Variants in TBC1D19 observed in about 807,000 individuals in gnomAD.
The protein encoded by TBC1D19 is TBC1 domain family, member 19.
TBC1D19 carries 60 observed loss-of-function variants against 89.0 expected under a neutral mutation model. The observed-to-expected ratio is 0.67, with a 90% CI of 0.55 to 0.84. TBC1D19 has a LOEUF of 0.84. Ranked by LOEUF, TBC1D19 falls within the 40% of genes least tolerant of loss-of-function variation. The probability of loss-of-function intolerance (pLI) is 0.00; values close to 1 mark genes in which losing one functional copy is unlikely to be tolerated. For synonymous variants in TBC1D19, 189 were observed against 199.7 expected, an observed-to-expected ratio of 0.95 and a Z score of 0.45; for missense variants, 500 against 610.8, an observed-to-expected ratio of 0.82 and a Z score of 1.91.
intron 11 of TBC1D19, among the ~76,000 whole-genome samples, chr4:26,681,466 G>C (rs1713337308): frequency 6.6e-6 from 1 of 152,034 alleles, no homozygotes; most frequent in African/African-American, 2.4e-5. Context: ...CAGGAGAATG[G>C]CGTGAACCCA....
At chr4:26,827,899 C>G in the TBC1D19 span, among the ~76,000 whole-genome samples, 1 of 152,006 alleles carries the variant, frequency 6.6e-6, no homozygotes, top group African/African-American at 2.4e-5. Context: ...TTTTATTAGG[C>G]TTTGAGATTA....
intron 13 of TBC1D19, among the ~76,000 whole-genome samples, chr4:26,703,588 A>G (rs191751419): frequency 6.6e-6 from 1 of 152,308 alleles, no homozygotes; most frequent in East Asian, 1.9e-4. Context: ...ACACTGCAAA[A>G]TTAGATGTCA....
the TBC1D19 span, among the ~76,000 whole-genome samples, chr4:26,814,074 C>T: frequency 2.3e-4 from 35 of 152,192 alleles, 1 homozygote; most frequent in South Asian, 6.2e-4. Context: ...TGTTTGTTCT[C>T]GGTACCCAGC....
the TBC1D19 span, among the ~76,000 whole-genome samples, chr4:26,791,883 A>G: frequency 6.6e-6 from 1 of 152,218 alleles, no homozygotes; most frequent in African/African-American, 2.4e-5. Flanking sequence ...ATCAGGGGAA[A>G]GGTCCAAGCT....
rs1275768360 is a variant in TBC1D19, at chr4:26,694,286, G to A, written c.954+5879G>A. Among the ~76,000 whole-genome samples, 3 of 152,170 alleles carry A rather than the reference G, an allele frequency of 2.0e-5. No individual in the cohort carries two copies. In the East Asian group the frequency reaches 5.8e-4, roughly 29 times the overall value. On this transcript the variant is annotated intron_variant, in intron 13 of 20. Transcript: ENST00000264866. ...GGCTCGAGGGTCCTACGCCCACAGAGCCTCACTCATTGCTAGCACAGCAGT... is the reference window on the plus strand; with the variant it reads ...GGCTCGAGGGTCCTACGCCCACAGAACCTCACTCATTGCTAGCACAGCAGT...
At chr4:26,819,125 C>G in the TBC1D19 span, among the ~76,000 whole-genome samples, 2 of 152,168 alleles carry the variant, frequency 1.3e-5, no homozygotes, top group Non-Finnish European at 2.9e-5. Flanking sequence ...AAAAGAAATC[C>G]CCAGCGACTA....
intron 15 of TBC1D19, among the ~76,000 whole-genome samples, chr4:26,730,483 A>G (rs1717591384): frequency 2.0e-5 from 3 of 152,172 alleles, no homozygotes; most frequent in African/African-American, 7.2e-5. Flanking sequence ...TTTCTCTCCA[A>G]CCTTTGCAGG....
chr4:26,670,589 A>G lies in TBC1D19; in HGVS notation c.665-1560A>G, dbSNP rs181635535. On this transcript the variant is annotated intron_variant, in intron 9 of 20. Transcript: ENST00000264866. ...AATAACTTTTATAGAAGTACAACAT[A>G]CATACTGGATAGTATACAAATCACG... Among the ~76,000 whole-genome samples, 417 of 151,922 alleles carry G rather than the reference A, an allele frequency of 2.7e-3. 2 individuals are homozygous for G. Among genetic ancestry groups the G allele is most frequent in the Non-Finnish European group, 5.1e-3 (347 of 67,744 alleles).
intron 12 of TBC1D19, among the ~76,000 whole-genome samples, chr4:26,685,589 G>T (rs749983322): frequency 1.3e-5 from 2 of 152,192 alleles, no homozygotes; most frequent in African/African-American, 2.4e-5. Context: ...GTGAAGCCAA[G>T]ATTTAGACCT....
intron 1 of TBC1D19, among the ~76,000 whole-genome samples, chr4:26,606,896 C>T (rs149268754): frequency 5.3e-5 from 8 of 152,296 alleles, no homozygotes; most frequent in Non-Finnish European, 1.2e-4. Context: ...CAGCTTACTT[C>T]GCAGCTTCTT....
chr4:26,682,137 G>A (rs60009090), intron 11 of TBC1D19, among the ~76,000 whole-genome samples: 4 of 152,164 alleles, frequency 2.6e-5, no homozygotes, highest in East Asian at 1.9e-4. Context: ...ACCCCTAAAC[G>A]TAGCTTTTGC....
chr4:26,739,182 A>G (rs543527873), intron 16 of TBC1D19, among the ~76,000 whole-genome samples: 1 of 152,320 alleles, frequency 6.6e-6, no homozygotes, highest in South Asian at 2.1e-4. Flanking sequence ...ACTTTCTGAC[A>G]TTCAACTGTG....
chr4:26,605,931 TAAAC>T (rs1359116609), intron 1 of TBC1D19, among the ~76,000 whole-genome samples: 1 of 152,238 alleles, frequency 6.6e-6, no homozygotes, highest in Non-Finnish European at 1.5e-5. Context: ...ACCATTCTAA[TAAAC>T]AAATATTTTA....
chr4:26,733,802 C>T (rs1404668188), intron 15 of TBC1D19, among the ~76,000 whole-genome samples: 2 of 152,186 alleles, frequency 1.3e-5, no homozygotes, highest in East Asian at 3.9e-4. Context: ...AAAATATAAC[C>T]CTTTCGTGAA....
the TBC1D19 span, among the ~76,000 whole-genome samples, chr4:26,851,304 C>CCTCT: frequency 0.32 from 47,192 of 147,032 alleles, 8,072 homozygotes; most frequent in African/African-American, 0.44. Context: ...TAATAAATAC[C>CCTCT]CTATCTATCT....
chr4:26,765,082 G>T, the TBC1D19 span, among the ~76,000 whole-genome samples: 1 of 152,232 alleles, frequency 6.6e-6, no homozygotes, highest in South Asian at 2.1e-4. Context: ...GAATAAAGAA[G>T]AAAACTGAGT....
chr4:26,849,903 C>T, the TBC1D19 span, among the ~76,000 whole-genome samples: 5 of 152,086 alleles, frequency 3.3e-5, no homozygotes, highest in Non-Finnish European at 5.9e-5. Flanking sequence ...AGCCAACTTA[C>T]GTAGAAAGTT....
chr4:26,755,084 A>C lies in TBC1D19; in HGVS notation c.*137A>C. 1 of 656,926 alleles carries C rather than the reference A, an allele frequency of 1.5e-6. No individual in the cohort carries two copies. The highest frequency in any genetic ancestry group is 2.4e-6 in the Non-Finnish European group (1 of 420,646). 40.7% of individuals were successfully genotyped at this position (656,926 alleles called of 1,614,324 possible). ...TCATGTTCCCTCTTCAGTTAAACCT[A>C]AGTAGTTTCTCACTTTTTGAAACAA... On this transcript the variant is annotated 3_prime_UTR_variant, in exon 21 of 21. Coordinates refer to ENST00000264866, the MANE Select transcript of TBC1D19 (RefSeq NM_018317.4).
In TBC1D19 at chr4:26,719,955, A is replaced by T. The variant is rs1716869985; in HGVS notation, c.1040-126A>T. ...TACATTTTTAAGTTAATTTCATATCATGAAATGACATATCAGTTTATAGTA... is the reference window on the plus strand; with the variant it reads ...TACATTTTTAAGTTAATTTCATATCTTGAAATGACATATCAGTTTATAGTA... On this transcript the variant is annotated intron_variant, in intron 14 of 20. Coordinates refer to ENST00000264866, the MANE Select transcript of TBC1D19 (RefSeq NM_018317.4). The T allele has an allele frequency of 7.9e-6, 5 of 634,412 alleles. No homozygotes were observed. The South Asian group carries it at 1.9e-4, about 24-fold the overall frequency. The allele number at this position is 634,412 out of a possible 1,614,324, so 39.3% of individuals were successfully genotyped here. A position where few individuals can be genotyped will look rare whatever the true frequency, so the allele number is the denominator to read the frequency against.
Sources: gnomAD v4.1 joint callset for allele counts (sites outside exome capture counted in the v4.1 genomes callset) on GRCh38, gnomAD v4.1.1 for gene constraint, MANE v1.5 for transcripts, NCBI Gene and HGNC (gene_info 2026-07-23, HGNC 2026-07-21) for gene names.